Variants in PHEX observed in about 807,000 individuals in gnomAD.
PHEX encodes phosphate-regulating neutral endopeptidase PHEX.
Under a neutral mutation model 68.0 loss-of-function variants are expected in PHEX, and 16 were observed. The observed-to-expected ratio is 0.24, with a 90% CI of 0.16 to 0.36. The LOEUF (loss-of-function observed/expected upper bound fraction) is 0.36. Among genes scored for constraint, PHEX ranks in the 10% least tolerant of loss-of-function variants. PHEX has a pLI of 1.00. For missense variants in PHEX, 480 were observed against 575.5 expected (o/e 0.83, Z 1.70); for synonymous variants, 208 against 205.1 (o/e 1.01, Z -0.12).
chrX:22,057,299 A>T (rs1928154975), intron 3 of PHEX, among the ~76,000 whole-genome samples: 1 of 111,969 alleles, frequency 8.9e-6, no homozygotes, highest in African/African-American at 3.2e-5. Context: ...CTCAGAGAAC[A>T]CCTTTATTTA....
intron 1 of PHEX, among the ~76,000 whole-genome samples, chrX:22,037,138 G>T (rs913726036): frequency 9.1e-6 from 1 of 109,383 alleles, no homozygotes; most frequent in African/African-American, 3.3e-5. Flanking sequence ...TGTTTCATCG[G>T]CAGTTTTCTT....
chrX:22,149,149 T>C (rs1932787545), intron 12 of PHEX, among the ~76,000 whole-genome samples: 1 of 112,008 alleles, frequency 8.9e-6, no homozygotes, highest in African/African-American at 3.2e-5. Context: ...GTTGGAAAGG[T>C]GATGCTCCAC....
At chrX:22,135,813 ACT>A (rs1297481004) in intron 12 of PHEX, among the ~76,000 whole-genome samples, 1 of 111,575 alleles carries the variant, frequency 9.0e-6, no homozygotes, top group Non-Finnish European at 1.9e-5. Flanking sequence ...TTCTTTGAAC[ACT>A]CTGCTTTCTT....
At chrX:22,138,082 A>C (rs2269467) in intron 12 of PHEX, among the ~76,000 whole-genome samples, 2 of 111,213 alleles carry the variant, frequency 1.8e-5, no homozygotes, top group African/African-American at 6.6e-5. Flanking sequence ...CTTTCTCTAC[A>C]TATTTCCTCT....
intron 14 of PHEX, among the ~76,000 whole-genome samples, chrX:22,178,935 C>T (rs1446303687): frequency 9.0e-6 from 1 of 111,636 alleles, no homozygotes; most frequent in African/African-American, 3.3e-5. Flanking sequence ...GGCCCAGAGC[C>T]CACCAGCTAC....
rs1569400439 is a variant in PHEX at position 22,120,978 on chromosome X, A to G, written c.1302+6392A>G. Among the ~76,000 whole-genome samples the G allele has an allele frequency of 2.7e-5, 3 of 111,976 alleles. No individual in the cohort carries two copies. The Admixed American group carries it at 2.9e-4, about 11-fold the overall frequency. ...TTTTGGCTGGGCTAAGTTCTTCTGTATAAACCATGTCTTGGTTTGTTTCAT... is the reference window on the plus strand; with the variant it reads ...TTTTGGCTGGGCTAAGTTCTTCTGTGTAAACCATGTCTTGGTTTGTTTCAT... On this transcript the variant is annotated intron_variant, in intron 11 of 21. Coordinates refer to ENST00000379374, the MANE Select transcript of PHEX (RefSeq NM_000444.6).
At chrX:22,175,551 A>G (rs1933670537) in intron 13 of PHEX, among the ~76,000 whole-genome samples, 1 of 111,283 alleles carries the variant, frequency 9.0e-6, no homozygotes, top group Admixed American at 9.6e-5. Context: ...GGATTTCACC[A>G]TGTTGGCCAG....
At chrX:22,047,235 G>A in intron 3 of PHEX, 24 bp downstream of exon 3, 1 of 1,156,669 alleles carries the variant, frequency 8.6e-7, no homozygotes, top group Non-Finnish European at 1.2e-6. Flanking sequence ...GGGGTTTGGT[G>A]ATACACTTTA....
intron 11 of PHEX, among the ~76,000 whole-genome samples, chrX:22,132,185 A>T (rs185988814): frequency 9.0e-6 from 1 of 111,587 alleles, no homozygotes; most frequent in African/African-American, 3.3e-5. Context: ...CTGCAGCCTC[A>T]AACTCCTGAG....
In PHEX at chrX:22,126,477, T is replaced by A. The variant is rs780344592; in HGVS notation, c.1303-7046T>A. Among the ~76,000 whole-genome samples the A allele has an allele frequency of 2.7e-5, 3 of 111,954 alleles. No individual in the cohort carries two copies. In the South Asian group the frequency reaches 1.1e-3, roughly 42 times the overall value. On this transcript the variant is annotated intron_variant, in intron 11 of 21. Coordinates refer to ENST00000379374, the MANE Select transcript of PHEX (RefSeq NM_000444.6). Reference sequence around the variant, plus strand: ...GCAAACTAATCCCTCCTTAAAGCAATGTTGGCATATGTCCCTTCAAATGTA... The same window carrying A: ...GCAAACTAATCCCTCCTTAAAGCAAAGTTGGCATATGTCCCTTCAAATGTA...
chrX:22,229,070 T>C (rs1935613981), intron 20 of PHEX, among the ~76,000 whole-genome samples: 1 of 112,189 alleles, frequency 8.9e-6, no homozygotes, highest in Admixed American at 9.4e-5. Context: ...CTCATCCTTT[T>C]TTATGGCTAC....
intron 20 of PHEX, among the ~76,000 whole-genome samples, chrX:22,230,229 CTTTTTTTTTTTTTTTTTTTTT>C (rs140475343): frequency 9.1e-5 from 1 of 10,939 alleles, no homozygotes; most frequent in African/African-American, 2.9e-4. Context: ...TATATGGGCT[CTTTTTTTTTTTTTTTTTTTTT>C]TTTTTTTTTT....
chrX:22,174,652 C>T (rs962819460), intron 13 of PHEX, among the ~76,000 whole-genome samples: 14 of 111,549 alleles, frequency 1.3e-4, no homozygotes, highest in Admixed American at 4.8e-4. Flanking sequence ...CTAGAGAAAA[C>T]GCACTCATAA....
At chrX:22,113,005 TTGTGTGTGTGTGTGTG>T (rs560422828) in intron 10 of PHEX, among the ~76,000 whole-genome samples, 2,727 of 88,680 alleles carry the variant, frequency 0.031, 109 homozygotes, top group African/African-American at 0.099. Context: ...CAAGTAGGTT[TTGTGTGTGTGTGTGTG>T]TGTGTGTGTG....
intron 15 of PHEX, among the ~76,000 whole-genome samples, chrX:22,192,575 C>T (rs1243812760): frequency 1.8e-5 from 2 of 111,929 alleles, no homozygotes; most frequent in Non-Finnish European, 3.8e-5. Context: ...GTTCCGGCCA[C>T]ACTGGCCTCC....
At chrX:22,206,856 T>TA (rs202084136) in intron 15 of PHEX, among the ~76,000 whole-genome samples, 1,949 of 111,498 alleles carry the variant, frequency 0.017, 27 homozygotes, top group Admixed American at 0.053. Context: ...TTGTTTGTAC[T>TA]AAAAAAAACT....
chrX:22,034,488 A>G (rs1926926598), intron 1 of PHEX, among the ~76,000 whole-genome samples: 1 of 112,538 alleles, frequency 8.9e-6, no homozygotes, highest in South Asian at 3.6e-4. Context: ...CTTTCAGAGA[A>G]AATTATTCTC....
At chrX:22,050,328 A>T (rs971480521) in intron 3 of PHEX, among the ~76,000 whole-genome samples, 5 of 111,863 alleles carry the variant, frequency 4.5e-5, no homozygotes, top group Non-Finnish European at 9.4e-5. Flanking sequence ...CTGTAATCCC[A>T]GCACTTTGGA....
At position 22,064,135 on chromosome X, in the gene PHEX, G is replaced by T. The variant is rs113318040; in HGVS notation, c.350-12253G>T. On this transcript the variant is annotated intron_variant, in intron 3 of 21. Transcript: ENST00000379374. ...CTTTTAGCCTGACTTAGACATAACT[G>T]TTTAAAAATATTTTAACTTTTATTA... Among the ~76,000 whole-genome samples the T allele has an allele frequency of 6.3e-3, 709 of 112,332 alleles. 2 individuals are homozygous for T. The highest frequency in any genetic ancestry group is 0.022 in the African/African-American group (666 of 30,959).
Sources: gnomAD v4.1 joint callset for allele counts (sites outside exome capture counted in the v4.1 genomes callset) on GRCh38, gnomAD v4.1.1 for gene constraint, MANE v1.5 for transcripts, NCBI Gene and HGNC (gene_info 2026-07-23, HGNC 2026-07-21) for gene names.